The following KCNH2 variants were observed in gnomAD, a reference collection of about 807,000 sequenced individuals.
KCNH2 encodes potassium voltage-gated channel subfamily H member 2, also known as voltage-gated inwardly rectifying potassium channel KCNH2.
KCNH2 carries 35 observed loss-of-function variants against 95.9 expected under a neutral mutation model. The observed-to-expected ratio is 0.37, with a 90% CI of 0.28 to 0.48. KCNH2 has a LOEUF of 0.48. Among genes scored for constraint, KCNH2 ranks in the 20% least tolerant of loss-of-function variants. The probability of loss-of-function intolerance (pLI) is 0.99; values close to 1 mark genes in which losing one functional copy is unlikely to be tolerated. For synonymous variants in KCNH2, 786 were observed against 754.7 expected (o/e 1.04, Z -0.68); for missense variants, 1,274 against 1,702.9 (o/e 0.75, Z 4.43).
chr7:150,972,555 A>T (rs1384997661), intron 2 of KCNH2, among the ~76,000 whole-genome samples: 1 of 152,236 alleles, frequency 6.6e-6, no homozygotes, highest in Non-Finnish European at 1.5e-5. Flanking sequence ...CCTGTTGGCC[A>T]ACAGGAGACA....
chr7:150,975,541 G>A (rs1009195193), intron 1 of KCNH2, among the ~76,000 whole-genome samples: 4 of 152,280 alleles, frequency 2.6e-5, no homozygotes, highest in African/African-American at 9.6e-5. Flanking sequence ...CTGAGGGGTG[G>A]GTGTGCCAGA....
Position 150,957,322 on chromosome 7 carries a change from C to A in KCNH2, c.1097G>T (p.Arg366Leu). 1 of 1,597,156 alleles carries A rather than the reference C, an allele frequency of 6.3e-7. No homozygotes were observed. Among genetic ancestry groups the A allele is most frequent in the Non-Finnish European group, 8.5e-7 (1 of 1,171,894 alleles). The change falls in exon 5 of 15, where the codon CGA becomes CTA. Residue 366 changes from arginine to leucine, a missense_variant. Arg to Leu is a moderately radical substitution (Grantham distance 102). Coordinates refer to ENST00000262186, the MANE Select transcript of KCNH2 (RefSeq NM_000238.4). ...GACCTTCTCAGTGACATTGTGGGTT[C>A]GCTCCTTTATCTTAGGTGCTATGAT... The part of the protein sequence containing the change: ...REIIAPKIKE[R>L]THNVTEKVTQ...
chr7:150,959,826 CCCGT>C, intron 2 of KCNH2, 90 bp from the exon 3 acceptor site: 1 of 1,449,720 alleles, frequency 6.9e-7, no homozygotes, highest in Non-Finnish European at 9.6e-7. Flanking sequence ...CCCAAGTGGG[CCCGT>C]CCACTTCTGC....
In KCNH2 at chr7:150,962,056, G is replaced by A. The variant is rs1801579895; in HGVS notation, c.308-2320C>T. Reference sequence around the variant, plus strand: ...TCTGGGGCTCTGTCTGGGTCTCCCTGCAGCAGCCACTCTTGTCCCCTGACC... The same window carrying A: ...TCTGGGGCTCTGTCTGGGTCTCCCTACAGCAGCCACTCTTGTCCCCTGACC... On this transcript the variant is annotated intron_variant, in intron 2 of 14. Transcript: ENST00000262186. The surrounding 1 kb of genome is among the most constrained non-coding windows in gnomAD (Gnocchi z 5.7). Among the ~76,000 whole-genome samples, 1 of 152,202 alleles carries A rather than the reference G, an allele frequency of 6.6e-6. No individual in the cohort carries two copies. Among genetic ancestry groups the A allele is most frequent in the Admixed American group, 6.5e-5 (1 of 15,284 alleles).
Position 150,977,818 on chromosome 7 carries a change from C to A in KCNH2, c.76+20G>T, listed in dbSNP as rs780153595. 7.1e-7 allele frequency: 1 copy of A among 1,398,730 alleles called. No individual in the cohort carries two copies. The highest frequency in any genetic ancestry group is 2.4e-5 in the East Asian group (1 of 41,684). The allele number at this position is 1,398,730 out of a possible 1,614,324, so 86.6% of individuals were successfully genotyped here. ...CCGCCCCCAGAGCCCCCTCCCCGCT[C>A]AGCCCCCTCCCCCACTCACTCTGGC... On this transcript the variant is annotated intron_variant, in intron 1 of 14. Coordinates refer to ENST00000262186, the MANE Select transcript of KCNH2 (RefSeq NM_000238.4).
intron 2 of KCNH2, among the ~76,000 whole-genome samples, chr7:150,971,406 G>C (rs1357710808): frequency 6.6e-6 from 1 of 152,150 alleles, no homozygotes; most frequent in African/African-American, 2.4e-5. Flanking sequence ...GGGGCCCTCT[G>C]ACCCTGTTAC....
intron 5 of KCNH2, among the ~76,000 whole-genome samples, 169 bp from the exon 6 acceptor site, chr7:150,953,022 G>T (rs1801244579): frequency 1.3e-5 from 2 of 152,084 alleles, no homozygotes; most frequent in Admixed American, 1.3e-4. Context: ...CCACCCCCAG[G>T]TTTGGGCATC....
chr7:150,950,942 G>A lies in KCNH2; in HGVS notation c.2124C>T (p.Thr708=). The change falls in exon 8 of 15, where the codon ACC becomes ACT. Residue 708 remains threonine (T), a synonymous_variant. Transcript: ENST00000262186. ...EEYFQHAWSY[T]NGIDMNAVLK... ...TCACCGCGTTCATGTCGATGCCGTT[G>A]GTGTAGGACCAGGCGTGCTGGAAGT... The A allele has an allele frequency of 3.7e-6, 6 of 1,614,232 alleles. No homozygotes were observed. Among genetic ancestry groups the A allele is most frequent in the Non-Finnish European group, 5.1e-6 (6 of 1,180,044 alleles).
rs757147615 is a variant in KCNH2 at position 150,946,893 on chromosome 7, A to G, written c.3314T>C (p.Leu1105Ser). ...GGAGCTTACCTGAGAAAGCGAGTCC[A>G]AGGTGAGGGTGGGGAGGGGGCTGAC... is the stretch of plus-strand genomic sequence containing the variant. ...LPVSPLPTLT[L>S]DSLSQVSQFM... The change falls in exon 14 of 15, where the codon TTG (leucine) becomes TCG (serine). Residue 1105 changes from leucine (L) to serine (S), a missense_variant. Transcript: ENST00000262186. This position sits in a 1 kb window ranked among gnomAD's most constrained non-coding sequence, Gnocchi z 6.5. The G allele has an allele frequency of 1.3e-5, 21 of 1,598,442 alleles. No homozygotes were observed. Among genetic ancestry groups the G allele is most frequent in the Non-Finnish European group, 1.8e-5 (21 of 1,169,690 alleles).
chr7:150,974,817 G>A lies in KCNH2; in HGVS notation c.201C>T (p.Asp67=). The A allele has an allele frequency of 1.2e-6, 2 of 1,607,056 alleles. No individual in the cohort carries two copies. Among genetic ancestry groups the A allele is most frequent in the African/African-American group, 1.3e-5 (1 of 74,834 alleles). Residue 67 remains aspartate, a synonymous_variant, in exon 2 of 15, where the codon GAC becomes GAT. Coordinates refer to ENST00000262186, the MANE Select transcript of KCNH2 (RefSeq NM_000238.4). ...GCTGCGTGCGCGGCCCGTGCAGGAA[G>A]TCGCAGGTGCAGGGTCGCTGCATCA... ...AEVMQRPCTC[D]FLHGPRTQRR...
intron 13 of KCNH2, 89 bp downstream of exon 13, chr7:150,947,239 G>T: frequency 8.2e-7 from 1 of 1,225,572 alleles, no homozygotes; most frequent in South Asian, 1.4e-5. Context: ...TGCACACACA[G>T]ACAGGCCCTC....
chr7:150,945,758 A>G lies in KCNH2; in HGVS notation c.3331-244T>C, dbSNP rs1205749852. Among the ~76,000 whole-genome samples the G allele has an allele frequency of 6.6e-6, 1 of 152,176 alleles. No individual in the cohort carries two copies. Among genetic ancestry groups the G allele is most frequent in the Non-Finnish European group, 1.5e-5 (1 of 68,030 alleles). ...GGCATTCTCTGAGAGCAGGAGCCAA[A>G]CAAGAGAGCTGGGAGCAGGGAAAAC... On this transcript the variant is annotated intron_variant, in intron 14 of 14. Coordinates refer to ENST00000262186, the MANE Select transcript of KCNH2 (RefSeq NM_000238.4). This position sits in a 1 kb window ranked among gnomAD's most constrained non-coding sequence, Gnocchi z 5.6.
chr7:150,977,484 T>C (rs1466484141), intron 1 of KCNH2, among the ~76,000 whole-genome samples: 2 of 152,178 alleles, frequency 1.3e-5, no homozygotes, highest in Non-Finnish European at 1.5e-5. Context: ...CACACTCTTA[T>C]GCCCTTGCAC....
intron 1 of KCNH2, 31 bp downstream of exon 1, chr7:150,977,807 C>T: frequency 8.8e-7 from 1 of 1,132,020 alleles, no homozygotes; most frequent in Non-Finnish European, 1.3e-6. Context: ...CCCCAGAGCC[C>T]CCTCCCCGCT....
rs145756148 is a variant in KCNH2, at chr7:150,945,688, G to A, written c.3331-174C>T. ...ACAAGAGCCAAGGCAGCGAGAGCAG[G>A]ACAGGGGCCACCAAGGGGAGGCACC... is the stretch of plus-strand genomic sequence containing the variant. On this transcript the variant is annotated intron_variant, in intron 14 of 14. Transcript: ENST00000262186. This position sits in a 1 kb window ranked among gnomAD's most constrained non-coding sequence, Gnocchi z 5.6. Among the ~76,000 whole-genome samples, 1 of 152,154 alleles carries A rather than the reference G, an allele frequency of 6.6e-6. No individual in the cohort carries two copies. Among genetic ancestry groups the A allele is most frequent in the Non-Finnish European group, 1.5e-5 (1 of 68,026 alleles).
Position 150,946,513 on chromosome 7 carries a change from T to G in KCNH2, c.3330+364A>C, listed in dbSNP as rs1374929131. Among the ~76,000 whole-genome samples the G allele has an allele frequency of 1.3e-5, 2 of 152,160 alleles. No homozygotes were observed. Among genetic ancestry groups the G allele is most frequent in the Admixed American group, 1.3e-4 (2 of 15,288 alleles). On this transcript the variant is annotated intron_variant, in intron 14 of 14. Transcript: ENST00000262186. The surrounding 1 kb of genome is among the most constrained non-coding windows in gnomAD (Gnocchi z 6.5). ...CCGCCACGTCTCGGGCTCAGTCAGT[T>G]CTTGGAGACCACCCGTGGCCGTGAG...
Position 150,957,518 on chromosome 7 carries a change from G to C in KCNH2, c.917-16C>G, listed in dbSNP as rs750266253. 6.4e-7 allele frequency: 1 copy of C among 1,552,512 alleles called. No individual in the cohort carries two copies. The highest frequency in any genetic ancestry group is 8.6e-7 in the Non-Finnish European group (1 of 1,157,026). On this transcript the variant is annotated splice_polypyrimidine_tract_variant and intron_variant, in intron 4 of 14. Coordinates refer to ENST00000262186, the MANE Select transcript of KCNH2 (RefSeq NM_000238.4). ...TGCATGGCCCCTAGGTGGAGAGGCAGCGTGGTCAGGCCAGCAGCCCAGGGC... is the reference window on the plus strand; with the variant it reads ...TGCATGGCCCCTAGGTGGAGAGGCACCGTGGTCAGGCCAGCAGCCCAGGGC...
intron 1 of KCNH2, among the ~76,000 whole-genome samples, chr7:150,976,196 G>A (rs1801975613): frequency 6.6e-6 from 1 of 152,048 alleles, no homozygotes; most frequent in African/African-American, 2.4e-5. Context: ...ATAGCCCTCA[G>A]GTTGCAGCCC....
At position 150,945,161 on chromosome 7, in the gene KCNH2, C is replaced by T. The variant is rs34804926; in HGVS notation, c.*204G>A. ...GCAGTGGGGGGACCACAGGCCCCAC[C>T]TACTGCCGGCCCTGCCCCTGCCCCT... On this transcript the variant is annotated 3_prime_UTR_variant, in exon 15 of 15. Coordinates refer to ENST00000262186, the MANE Select transcript of KCNH2 (RefSeq NM_000238.4). This position sits in a 1 kb window ranked among gnomAD's most constrained non-coding sequence, Gnocchi z 5.6. The T allele has an allele frequency of 1.6e-6, 1 of 625,030 alleles. No homozygotes were observed. The highest frequency in any genetic ancestry group is 2.7e-6 in the Non-Finnish European group (1 of 364,666). 38.7% of individuals were successfully genotyped at this position (625,030 alleles called of 1,614,324 possible).
Sources: gnomAD v4.1 joint callset for allele counts (sites outside exome capture counted in the v4.1 genomes callset) on GRCh38, gnomAD v4.1.1 for gene constraint, Gnocchi (gnomAD v3.1) non-coding constraint, MANE v1.5 for transcripts, NCBI Gene and HGNC (gene_info 2026-07-23, HGNC 2026-07-21) for gene names.